Variants in SBNO2 observed in about 807,000 individuals in gnomAD.
The protein encoded by SBNO2 is strawberry notch homolog 2.
In SBNO2, 89 loss-of-function variants were observed where a neutral mutation model predicts 146.3. That is an observed-to-expected ratio of 0.61 (90% CI 0.51 to 0.73). The LOEUF (loss-of-function observed/expected upper bound fraction) is 0.73. SBNO2 is among the 30% of genes least tolerant of loss of function. The pLI, the probability that SBNO2 is intolerant of heterozygous loss-of-function variation, is 0.00. For synonymous variants in SBNO2, 1,147 were observed against 892.6 expected, an observed-to-expected ratio of 1.29 and a Z score of -5.08; for missense variants, 2,092 against 2,003.7, an observed-to-expected ratio of 1.04 and a Z score of -0.84.
chr19:1,137,051 G>C (rs1467182152), intron 4 of SBNO2, among the ~76,000 whole-genome samples: 3 of 150,502 alleles, frequency 2.0e-5, no homozygotes, highest in Non-Finnish European at 4.4e-5. Context: ...AGGGATCTGG[G>C]TGATGTCAGG....
Position 1,154,238 on chromosome 19 carries a change from C to A in SBNO2, c.39G>T (p.Pro13=), listed in dbSNP as rs762771094. Residue 13 remains proline (P), a synonymous_variant, in exon 2 of 32, where the codon CCG becomes CCT. Transcript: ENST00000361757. ...AVGPAMDRDY[P]QHEPPPAGSL... The stretch of plus-strand genomic sequence containing the variant: ...TGCCCGCCGGCGGGGGTTCATGCTG[C>A]GGGTAATCCCTGTCCATGGCGGGCC... 3.5e-5 allele frequency: 44 copies of A among 1,269,138 alleles called. No individual in the cohort carries two copies. The highest frequency in any genetic ancestry group is 4.3e-5 in the Non-Finnish European group (43 of 1,006,516). 78.6% of individuals were successfully genotyped at this position (1,269,138 alleles called of 1,614,324 possible). A position where few individuals can be genotyped will look rare whatever the true frequency, so the allele number is the denominator to read the frequency against.
chr19:1,168,502 T>C (rs2080446996), intron 1 of SBNO2, among the ~76,000 whole-genome samples: 1 of 152,190 alleles, frequency 6.6e-6, no homozygotes, highest in African/African-American at 2.4e-5. Flanking sequence ...CCCGTGGCCT[T>C]GGAACCCCCC....
rs1484071743 is a variant in SBNO2 at position 1,112,451 on chromosome 19, G to A, written c.2466C>T (p.His822=). ...RRVQNQRRRV[H]MTLELPWSAD... is the part of the protein sequence containing the mutation. ...CGCTCCACGGCAGCTCCAAGGTCAT[G>A]TGCACGCGGCGCCGCTGGTTCTGGA... Residue 822 remains histidine (H), a synonymous_variant, in exon 21 of 32, where the codon CAC becomes CAT. Transcript: ENST00000361757. This position sits in a 1 kb window ranked among gnomAD's most constrained non-coding sequence, Gnocchi z 5.9. 3 of 1,607,886 alleles carry A rather than the reference G, an allele frequency of 1.9e-6. No individual in the cohort carries two copies. Among genetic ancestry groups the A allele is most frequent in the Non-Finnish European group, 1.7e-6 (2 of 1,178,782 alleles).
chr19:1,125,232 G>A (rs1187456010), intron 5 of SBNO2, among the ~76,000 whole-genome samples: 2 of 151,318 alleles, frequency 1.3e-5, no homozygotes, highest in Admixed American at 6.6e-5. Flanking sequence ...GGTGGTGGGC[G>A]CCTGTAATCT....
Position 1,119,501 on chromosome 19 carries a change from G to C in SBNO2, c.1373+15C>G, listed in dbSNP as rs376970778. 5.4e-5 allele frequency: 85 copies of C among 1,571,610 alleles called. No individual in the cohort carries two copies. Among genetic ancestry groups the C allele is most frequent in the Non-Finnish European group, 7.1e-5 (82 of 1,151,582 alleles). On this transcript the variant is annotated intron_variant, in intron 13 of 31. Coordinates refer to ENST00000361757, the MANE Select transcript of SBNO2 (RefSeq NM_014963.3). Reference sequence around the variant, plus strand: ...CCCCCCGCCGCCCCTCCACGTGGGTGAGAAGGGCACTCACCTCTTCTCGAT... The same window carrying C: ...CCCCCCGCCGCCCCTCCACGTGGGTCAGAAGGGCACTCACCTCTTCTCGAT...
rs2080313117 is a variant in SBNO2, at chr19:1,158,459, G to A, written c.-126-4057C>T. Among the ~76,000 whole-genome samples, 1 of 152,140 alleles carries A rather than the reference G, an allele frequency of 6.6e-6. No homozygotes were observed. The highest frequency in any genetic ancestry group is 2.4e-5 in the African/African-American group (1 of 41,422). On this transcript the variant is annotated intron_variant, in intron 1 of 31. Coordinates refer to ENST00000361757, the MANE Select transcript of SBNO2 (RefSeq NM_014963.3). This position sits in a 1 kb window ranked among gnomAD's most constrained non-coding sequence, Gnocchi z 9.9. ...TTCGCGACGGCAAAGCGGAGACCCT[G>A]AGAAGACACTGGCCGCAGAGCCATA...
In SBNO2 at chr19:1,147,281, C is replaced by A. The variant is rs368070012; in HGVS notation, c.279+28G>T. ...GGCCCAGACTCCACCCTGCCCCCCA[C>A]GGCGCGGTGAGCTCCTGGGGCTCCT... On this transcript the variant is annotated intron_variant, in intron 4 of 31. Transcript: ENST00000361757. 3.2e-5 allele frequency: 47 copies of A among 1,471,218 alleles called. No individual in the cohort carries two copies. In the East Asian group the frequency reaches 8.8e-4, roughly 28 times the overall value. The allele number at this position is 1,471,218 out of a possible 1,614,324, so 91.1% of individuals were successfully genotyped here.
intron 1 of SBNO2, among the ~76,000 whole-genome samples, chr19:1,159,139 A>T (rs1255697236): frequency 6.6e-6 from 1 of 152,158 alleles, no homozygotes; most frequent in Non-Finnish European, 1.5e-5. Context: ...GGCTCAAGAC[A>T]GGGCAATCAC....
In SBNO2 at chr19:1,112,977, C is replaced by T. The variant is rs1425225409; in HGVS notation, c.2248-28G>A. 3 of 1,541,034 alleles carry T rather than the reference C, an allele frequency of 1.9e-6. No homozygotes were observed. Among genetic ancestry groups the T allele is most frequent in the Non-Finnish European group, 2.6e-6 (3 of 1,143,000 alleles). ...GCAGCCGAGACAGGGACAAAACCGG[C>T]CGTCAGTGTTGTGGCCTCGCAGGAG... On this transcript the variant is annotated intron_variant, in intron 19 of 31. Transcript: ENST00000361757. The surrounding 1 kb of genome is among the most constrained non-coding windows in gnomAD (Gnocchi z 5.9).
In SBNO2 at chr19:1,157,195, C is replaced by T. The variant is rs1009450385; in HGVS notation, c.-126-2793G>A. Reference sequence around the variant, plus strand: ...CTCCGGACCCTTCCCCCATTGACTCCGCCGCCGTTTCTTGCAGCAGCTGTG... The same window carrying T: ...CTCCGGACCCTTCCCCCATTGACTCTGCCGCCGTTTCTTGCAGCAGCTGTG... On this transcript the variant is annotated intron_variant, in intron 1 of 31. Coordinates refer to ENST00000361757, the MANE Select transcript of SBNO2 (RefSeq NM_014963.3). This position sits in a 1 kb window ranked among gnomAD's most constrained non-coding sequence, Gnocchi z 6.8. Among the ~76,000 whole-genome samples, 18 of 152,254 alleles carry T rather than the reference C, an allele frequency of 1.2e-4. No individual in the cohort carries two copies. Among genetic ancestry groups the T allele is most frequent in the Admixed American group, 5.9e-4 (9 of 15,292 alleles).
intron 4 of SBNO2, chr19:1,132,241 G>GGGGCGGCTC: frequency 7.7e-7 from 1 of 1,302,770 alleles, no homozygotes; most frequent in Non-Finnish European, 9.8e-7. Context: ...GGGGCGGACG[G>GGGGCGGCTC]GGGCGGCTCT....
chr19:1,109,675 CT>C lies in SBNO2; in HGVS notation c.3123+7del, dbSNP rs1185037615. On this transcript the variant is annotated splice_region_variant and intron_variant, in intron 27 of 31. Transcript: ENST00000361757. This position sits in a 1 kb window ranked among gnomAD's most constrained non-coding sequence, Gnocchi z 4.2. ...AGAGTGTGAGGGGCTGTGGGGCTTC[CT>C]GCTGACCTTGTAGAAGACCACCTGC... 3.1e-6 allele frequency: 5 copies of C among 1,607,342 alleles called. No individual in the cohort carries two copies. In the South Asian group the frequency reaches 4.4e-5, roughly 14 times the overall value.
intron 15 of SBNO2, 25 bp from the exon 16 acceptor site, chr19:1,116,951 G>A (rs11671663): frequency 6.5e-7 from 1 of 1,534,832 alleles, no homozygotes; most frequent in African/African-American, 1.4e-5. Flanking sequence ...AGGACTGTGA[G>A]CCACCAGCCC....
At chr19:1,111,712 G>A (rs1336845861) in intron 23 of SBNO2, 98 bp from the exon 24 acceptor site, 3 of 744,118 alleles carry the variant, frequency 4.0e-6, no homozygotes, top group East Asian at 3.2e-5. Context: ...CTAGGCCCCT[G>A]GACCCTGCCC....
At chr19:1,118,385 G>T (rs370767559) in intron 14 of SBNO2, among the ~76,000 whole-genome samples, 1 of 152,070 alleles carries the variant, frequency 6.6e-6, no homozygotes, top group African/African-American at 2.4e-5. Flanking sequence ...GCTGTTGGGC[G>T]TGAGGGGGAG....
At position 1,119,593 on chromosome 19, in the gene SBNO2, G is replaced by A. The variant is rs772805363; in HGVS notation, c.1296C>T (p.Tyr432=). Residue 432 remains tyrosine, a synonymous_variant, in exon 13 of 32, where the codon TAC becomes TAT. Transcript: ENST00000361757. ...TGASEPRNMI[Y]MSRLGIWGEG... The stretch of plus-strand genomic sequence containing the variant: ...CGCCCCAGATACCCAAGCGGCTCAT[G>A]TAGATCATGTTCCGAGGCTCAGAGG... 8 of 1,610,762 alleles carry A rather than the reference G, an allele frequency of 5.0e-6. No homozygotes were observed. The highest frequency in any genetic ancestry group is 5.9e-6 in the Non-Finnish European group (7 of 1,178,790).
intron 7 of SBNO2, 114 bp from the exon 8 acceptor site, chr19:1,123,159 G>C (rs1463384423): frequency 8.0e-7 from 1 of 1,251,988 alleles, no homozygotes; most frequent in East Asian, 2.5e-5. Context: ...GGGCAGTTTG[G>C]GGGCGTGGCC....
At position 1,112,072 on chromosome 19, in the gene SBNO2, C is replaced by A. The variant is rs2079769039; in HGVS notation, c.2629-5G>T. ...GTCTCCGTGGGTCAGGGCCCCCTGC[C>A]AGGGGTGGGGAGGCCATCAGTTGGT... On this transcript the variant is annotated splice_region_variant and splice_polypyrimidine_tract_variant and intron_variant, in intron 22 of 31. Transcript: ENST00000361757. This position sits in a 1 kb window ranked among gnomAD's most constrained non-coding sequence, Gnocchi z 5.9. 6.2e-7 allele frequency: 1 copy of A among 1,612,258 alleles called. No homozygotes were observed. Among genetic ancestry groups the A allele is most frequent in the South Asian group, 1.1e-5 (1 of 91,032 alleles).
chr19:1,114,996 C>T (rs1231207547), intron 17 of SBNO2, among the ~76,000 whole-genome samples: 1 of 151,754 alleles, frequency 6.6e-6, no homozygotes, highest in Admixed American at 6.6e-5. Flanking sequence ...GTGGTGCGAT[C>T]TCAGCTCACT....
Sources: gnomAD v4.1 joint callset for allele counts (sites outside exome capture counted in the v4.1 genomes callset) on GRCh38, gnomAD v4.1.1 for gene constraint, Gnocchi (gnomAD v3.1) non-coding constraint, MANE v1.5 for transcripts, NCBI Gene and HGNC (gene_info 2026-07-23, HGNC 2026-07-21) for gene names.